MED12L: variants seen among roughly 807,000 people sequenced by gnomAD.
MED12L encodes the protein mediator complex subunit 12L.
In MED12L, 60 loss-of-function variants were observed where a neutral mutation model predicts 281.3. The observed-to-expected ratio is 0.21, with a 90% CI of 0.17 to 0.26. MED12L has a LOEUF of 0.26. Among genes scored for constraint, MED12L ranks in the 10% least tolerant of loss-of-function variants. The probability of loss-of-function intolerance (pLI) is 1.00; values close to 1 mark genes in which losing one functional copy is unlikely to be tolerated. For missense variants in MED12L, 2,146 were observed against 2,680.9 expected, an observed-to-expected ratio of 0.80 and a Z score of 4.41; for synonymous variants, 974 against 987.2, an observed-to-expected ratio of 0.99 and a Z score of 0.25.
intron 16 of MED12L, among the ~76,000 whole-genome samples, chr3:151,261,874 G>A (rs930054170): frequency 2.0e-5 from 3 of 151,960 alleles, no homozygotes; most frequent in Admixed American, 6.6e-5. Context: ...ACAGGCGTTC[G>A]TCACCATGCC....
intron 5 of MED12L, among the ~76,000 whole-genome samples, chr3:151,141,165 C>CTTTTTTTTTTTTT (rs1310885265): frequency 9.6e-6 from 1 of 103,854 alleles, no homozygotes; most frequent in African/African-American, 5.6e-5. Context: ...CCGTGCCTGG[C>CTTTTTTTTTTTTT]GTTTTTTTTT....
chr3:151,205,460 A>G (rs909981320), intron 16 of MED12L, among the ~76,000 whole-genome samples: 1 of 152,260 alleles, frequency 6.6e-6, no homozygotes, highest in Non-Finnish European at 1.5e-5. Flanking sequence ...ATTGAACACA[A>G]ATACCAAACA....
intron 2 of MED12L, 28 bp downstream of exon 2, chr3:151,087,053 A>G: frequency 6.4e-7 from 1 of 1,563,778 alleles, no homozygotes; most frequent in East Asian, 2.3e-5. Context: ...CTCCCCGGCA[A>G]CCGGGGCCGC....
chr3:151,131,372 A>C (rs1715367572), intron 5 of MED12L, among the ~76,000 whole-genome samples: 2 of 152,214 alleles, frequency 1.3e-5, no homozygotes, highest in African/African-American at 4.8e-5. Flanking sequence ...AGAACAGGGC[A>C]GGAAGATCGC....
rs67391329 is a variant in MED12L, at chr3:151,307,533, CTGTGTGTGTGTGTGTGTGTGTGTG to C, written c.2251-42496_2251-42473del. ...TTTAGGTGACCTCAGGTAACTTGCTCTGTGTGTGTGTGTGTGTGTGTGTGTGTGTGTGTGTGTGTGTGTGTGTGT... is the reference window on the plus strand; with the variant it reads ...TTTAGGTGACCTCAGGTAACTTGCTCTGTGTGTGTGTGTGTGTGTGTGTGT... On this transcript the variant is annotated intron_variant, in intron 16 of 44. Transcript: ENST00000687756. 5.0e-3 allele frequency among the ~76,000 whole-genome samples: 684 copies of C among 137,800 alleles called. 5 individuals are homozygous for C. Among genetic ancestry groups the C allele is most frequent in the Admixed American group, 0.011 (151 of 13,908 alleles). 90.4% of individuals were successfully genotyped at this position (137,800 alleles called of 152,430 possible).
chr3:151,295,498 C>T lies in MED12L; in HGVS notation c.2251-54561C>T, dbSNP rs75358990. 1.2e-3 allele frequency among the ~76,000 whole-genome samples: 186 copies of T among 152,186 alleles called. No homozygotes were observed. In the East Asian group the frequency reaches 0.015, roughly 12 times the overall value. On this transcript the variant is annotated intron_variant, in intron 16 of 44. Coordinates refer to ENST00000687756, the MANE Select transcript of MED12L (RefSeq NM_001393769.1). The stretch of plus-strand genomic sequence containing the variant: ...ATAAACATACCAGTGTAAATTATTC[C>T]GATTCTTACTCCCATGTTTGATATC...
chr3:151,283,456 G>C (rs376961039), intron 16 of MED12L, among the ~76,000 whole-genome samples: 1 of 152,198 alleles, frequency 6.6e-6, no homozygotes, highest in East Asian at 1.9e-4. Context: ...GCAGAGGAAA[G>C]CATTTTCTTT....
chr3:151,146,776 G>A (rs1259864872), intron 5 of MED12L, among the ~76,000 whole-genome samples: 1 of 152,154 alleles, frequency 6.6e-6, no homozygotes, highest in Non-Finnish European at 1.5e-5. Flanking sequence ...ATCACGCTGT[G>A]TCATTTCCAC....
chr3:151,208,196 G>A (rs949234133), intron 16 of MED12L, among the ~76,000 whole-genome samples: 1 of 152,112 alleles, frequency 6.6e-6, no homozygotes, highest in African/African-American at 2.4e-5. Flanking sequence ...TTTTTTTATA[G>A]TTGCTTGTTT....
chr3:151,187,993 G>T (rs559012141), intron 12 of MED12L: 45 of 158,438 alleles, frequency 2.8e-4, no homozygotes, highest in Non-Finnish European at 6.0e-4. Context: ...GTAATACTGT[G>T]CAGAGTTTAT....
At chr3:151,312,561 G>T (rs188549666) in intron 16 of MED12L, among the ~76,000 whole-genome samples, 2 of 152,276 alleles carry the variant, frequency 1.3e-5, no homozygotes, top group East Asian at 3.9e-4. Flanking sequence ...CCTCCAGAGA[G>T]TTTCTCTGGT....
rs747604391 is a variant in MED12L at position 151,338,333 on chromosome 3, A to G, written c.2251-11726A>G. 11 of 1,613,996 alleles carry G rather than the reference A, an allele frequency of 6.8e-6. No individual in the cohort carries two copies. In the Admixed American group the frequency reaches 1.0e-4, roughly 15 times the overall value. On this transcript the variant is annotated intron_variant, in intron 16 of 44. Coordinates refer to ENST00000687756, the MANE Select transcript of MED12L (RefSeq NM_001393769.1). ...ATTTAAGGAAAGAGCATTTCTTCAC[A>G]TTCTTGTCTCTCGGCTGCCTGTTGG... is the stretch of plus-strand genomic sequence containing the variant.
intron 16 of MED12L, among the ~76,000 whole-genome samples, chr3:151,200,623 C>T (rs1725411635): frequency 6.6e-6 from 1 of 152,164 alleles, no homozygotes; most frequent in Admixed American, 6.5e-5. Flanking sequence ...ACAATGTATG[C>T]AAACAGATGA....
At chr3:151,305,754 A>T (rs900123324) in intron 16 of MED12L, among the ~76,000 whole-genome samples, 2 of 152,148 alleles carry the variant, frequency 1.3e-5, no homozygotes, top group African/African-American at 4.8e-5. Flanking sequence ...GGAGGGGGGC[A>T]GTATTGGGCA....
intron 16 of MED12L, among the ~76,000 whole-genome samples, chr3:151,299,725 A>G (rs1222835196): frequency 1.3e-5 from 2 of 152,018 alleles, no homozygotes; most frequent in African/African-American, 4.8e-5. Flanking sequence ...CTCTTGGGGA[A>G]CCTCATGAAC....
At chr3:151,132,888 A>G (rs1715602974) in intron 5 of MED12L, among the ~76,000 whole-genome samples, 1 of 152,248 alleles carries the variant, frequency 6.6e-6, no homozygotes, top group African/African-American at 2.4e-5. Context: ...AGACATAGCC[A>G]TAATGTAATG....
At chr3:151,199,387 C>G in intron 16 of MED12L, 1 of 1,599,246 alleles carries the variant, frequency 6.3e-7, no homozygotes, top group Non-Finnish European at 8.5e-7. Flanking sequence ...TGTTTGTCAT[C>G]TTGAGGGAAA....
At chr3:151,339,885 G>A (rs1751584410) in intron 16 of MED12L, among the ~76,000 whole-genome samples, 2 of 152,092 alleles carry the variant, frequency 1.3e-5, no homozygotes, top group Admixed American at 1.3e-4. Flanking sequence ...CCAGAGATAA[G>A]TGAAATTGAT....
At chr3:151,215,732 C>T (rs1728083859) in intron 16 of MED12L, among the ~76,000 whole-genome samples, 1 of 152,154 alleles carries the variant, frequency 6.6e-6, no homozygotes, top group Admixed American at 6.5e-5. Flanking sequence ...TGCTTAAAAC[C>T]CTTTAGTAGT....
Sources: gnomAD v4.1 joint callset for allele counts (sites outside exome capture counted in the v4.1 genomes callset) on GRCh38, gnomAD v4.1.1 for gene constraint, MANE v1.5 for transcripts, NCBI Gene and HGNC (gene_info 2026-07-23, HGNC 2026-07-21) for gene names.